The following CPNE4 variants were observed in gnomAD, a reference collection of about 807,000 sequenced individuals.
CPNE4 encodes the protein copine 4.
A neutral mutation model predicts 67.9 loss-of-function variants in CPNE4; 25 were observed. That is an observed-to-expected ratio of 0.37 (90% CI 0.27 to 0.51). The LOEUF is 0.51. Ranked by LOEUF, CPNE4 falls within the 20% of genes least tolerant of loss-of-function variation. The pLI is 0.93. For synonymous variants in CPNE4, 242 were observed against 244.9 expected, an observed-to-expected ratio of 0.99 and a Z score of 0.11; for missense variants, 464 against 690.8, an observed-to-expected ratio of 0.67 and a Z score of 3.68.
intron 7 of CPNE4, among the ~76,000 whole-genome samples, chr3:131,649,180 C>T (rs909669249): frequency 2.0e-5 from 3 of 152,204 alleles, no homozygotes; most frequent in Non-Finnish European, 4.4e-5. Flanking sequence ...CAAATTGCTT[C>T]TCAGAATGAC....
chr3:131,573,716 A>G (rs970456003), intron 10 of CPNE4, among the ~76,000 whole-genome samples: 7 of 152,044 alleles, frequency 4.6e-5, no homozygotes, highest in Non-Finnish European at 1.5e-5. Flanking sequence ...ATACTTCCAT[A>G]TGGGTATGCT....
intron 14 of CPNE4, among the ~76,000 whole-genome samples, chr3:131,546,309 A>G (rs900821027): frequency 1.3e-5 from 2 of 152,192 alleles, no homozygotes; most frequent in African/African-American, 4.8e-5. Flanking sequence ...AGTTCCTTCT[A>G]AAGTCAGACT....
chr3:131,551,533 A>G (rs552395910), intron 13 of CPNE4, among the ~76,000 whole-genome samples: 5 of 152,094 alleles, frequency 3.3e-5, no homozygotes, highest in South Asian at 2.1e-4. Context: ...AGTCTAATCC[A>G]TAATAAACTG....
intron 2 of CPNE4, among the ~76,000 whole-genome samples, chr3:131,837,270 G>A (rs909127629): frequency 6.6e-6 from 1 of 152,036 alleles, no homozygotes; most frequent in Non-Finnish European, 1.5e-5. Flanking sequence ...GTACATAAAT[G>A]TTCATCACCT....
intron 2 of CPNE4, among the ~76,000 whole-genome samples, chr3:131,876,510 C>T (rs1466186993): frequency 6.6e-6 from 1 of 151,028 alleles, no homozygotes; most frequent in Non-Finnish European, 1.5e-5. Flanking sequence ...GATGTGGTGG[C>T]GGGCGCCTGT....
In CPNE4 at chr3:131,924,536, T is replaced by TA. The variant is rs529339860; in HGVS notation, c.-1-19093dup. On this transcript the variant is annotated intron_variant, in intron 1 of 15. Coordinates refer to ENST00000429747, the MANE Select transcript of CPNE4 (RefSeq NM_130808.3). Reference sequence around the variant, plus strand: ...ACCCAGGAATCACTTGGAGATCTTTTAAAAAAAATGCTGGCACCTGTGTTT... The same window carrying TA: ...ACCCAGGAATCACTTGGAGATCTTTTAAAAAAAAATGCTGGCACCTGTGTTT... Among the ~76,000 whole-genome samples, 305 of 152,124 alleles carry TA rather than the reference T, an allele frequency of 2.0e-3. 3 individuals are homozygous for TA. Among genetic ancestry groups the TA allele is most frequent in the Non-Finnish European group, 2.4e-3 (163 of 67,960 alleles).
intron 7 of CPNE4, among the ~76,000 whole-genome samples, chr3:131,654,927 G>C (rs760137692): frequency 1.3e-5 from 2 of 152,202 alleles, no homozygotes; most frequent in Non-Finnish European, 2.9e-5. Context: ...AATGTCAATA[G>C]TGTTAATTTA....
intron 6 of CPNE4, among the ~76,000 whole-genome samples, chr3:131,677,563 G>A (rs1307279923): frequency 1.3e-5 from 2 of 151,920 alleles, no homozygotes; most frequent in African/African-American, 4.8e-5. Flanking sequence ...TTATAGTTTT[G>A]GGTTTTACAT....
At chr3:131,562,447 T>G (rs1936822268) in intron 11 of CPNE4, among the ~76,000 whole-genome samples, 1 of 152,060 alleles carries the variant, frequency 6.6e-6, no homozygotes, top group Non-Finnish European at 1.5e-5. Flanking sequence ...GTTAACTTTT[T>G]AATTAAGCAT....
At chr3:131,757,708 C>G (rs902384621) in intron 2 of CPNE4, among the ~76,000 whole-genome samples, 8 of 152,182 alleles carry the variant, frequency 5.3e-5, no homozygotes, top group Admixed American at 5.2e-4. Context: ...TAGAGACCCT[C>G]AGGGCAGCCC....
At chr3:131,538,676 T>A (rs748028863) in intron 15 of CPNE4, among the ~76,000 whole-genome samples, 11 of 152,194 alleles carry the variant, frequency 7.2e-5, no homozygotes, top group Admixed American at 6.5e-5. Flanking sequence ...TCTCCTAAAT[T>A]AATGTGCTGG....
chr3:131,588,375 C>T (rs1938319121), intron 7 of CPNE4, among the ~76,000 whole-genome samples: 1 of 152,166 alleles, frequency 6.6e-6, no homozygotes, highest in South Asian at 2.1e-4. Flanking sequence ...AGGGTGGAGA[C>T]TGGATTGGAG....
At chr3:132,019,382 A>G (rs999427946) in intron 1 of CPNE4, among the ~76,000 whole-genome samples, 4 of 152,232 alleles carry the variant, frequency 2.6e-5, no homozygotes, top group African/African-American at 9.6e-5. Flanking sequence ...TTGGTGAGTA[A>G]GAGAAACAGT....
At chr3:131,903,572 G>C (rs2088631009) in intron 2 of CPNE4, among the ~76,000 whole-genome samples, 1 of 152,050 alleles carries the variant, frequency 6.6e-6, no homozygotes, top group Non-Finnish European at 1.5e-5. Context: ...TAGCAATAAA[G>C]ATCTCAGTTT....
At chr3:131,550,674 C>T (rs1017793974) in intron 13 of CPNE4, among the ~76,000 whole-genome samples, 2 of 152,040 alleles carry the variant, frequency 1.3e-5, no homozygotes, top group African/African-American at 4.8e-5. Flanking sequence ...TTGTATTTCC[C>T]CAAAGAGCTT....
intron 2 of CPNE4, among the ~76,000 whole-genome samples, chr3:131,763,542 G>A (rs2082941274): frequency 6.6e-6 from 1 of 152,108 alleles, no homozygotes; most frequent in African/African-American, 2.4e-5. Context: ...TCCTAGGCTA[G>A]CTAATGAGGA....
At chr3:131,976,473 G>C (rs1018892382) in intron 1 of CPNE4, among the ~76,000 whole-genome samples, 1 of 152,094 alleles carries the variant, frequency 6.6e-6, no homozygotes, top group Non-Finnish European at 1.5e-5. Context: ...TTATTTTAAA[G>C]AGAGTGAAGA....
chr3:131,669,372 A>C (rs1418911409), intron 7 of CPNE4, among the ~76,000 whole-genome samples: 1 of 152,208 alleles, frequency 6.6e-6, no homozygotes, highest in Admixed American at 6.5e-5. Context: ...TTGATATGAC[A>C]CTATTTTCAT....
intron 7 of CPNE4, among the ~76,000 whole-genome samples, chr3:131,638,081 C>A (rs2079440084): frequency 6.6e-6 from 1 of 151,930 alleles, no homozygotes; most frequent in African/African-American, 2.4e-5. Flanking sequence ...AATAGAAGCT[C>A]CTTAAAGCAT....
Sources: gnomAD v4.1 joint callset for allele counts (sites outside exome capture counted in the v4.1 genomes callset) on GRCh38, gnomAD v4.1.1 for gene constraint, MANE v1.5 for transcripts, NCBI Gene and HGNC (gene_info 2026-07-23, HGNC 2026-07-21) for gene names.